The following INVS variants were observed in gnomAD, a reference collection of about 807,000 sequenced individuals.
The protein encoded by INVS is inversin.
INVS carries 86 observed loss-of-function variants against 108.8 expected under a neutral mutation model. That is an observed-to-expected ratio of 0.79 (90% CI 0.66 to 0.95). The LOEUF is 0.95. INVS is among the 40% of genes least tolerant of loss of function. The probability of loss-of-function intolerance (pLI) is 0.00; values close to 1 mark genes in which losing one functional copy is unlikely to be tolerated. For missense variants in INVS, 1,169 were observed against 1,297.4 expected (o/e 0.90, Z 1.52); for synonymous variants, 455 against 473.5 (o/e 0.96, Z 0.51).
intron 3 of INVS, among the ~76,000 whole-genome samples, chr9:100,195,186 A>G (rs1277842272): frequency 6.6e-6 from 1 of 152,194 alleles, no homozygotes; most frequent in Non-Finnish European, 1.5e-5. Context: ...AGAGGCAAAA[A>G]ACTGATAAAT....
intron 7 of INVS, among the ~76,000 whole-genome samples, chr9:100,245,779 G>A (rs987284474): frequency 2.6e-5 from 4 of 152,130 alleles, no homozygotes; most frequent in African/African-American, 9.7e-5. Context: ...TAAGGCAAAA[G>A]CAAACAAACA....
intron 3 of INVS, among the ~76,000 whole-genome samples, chr9:100,146,017 G>A (rs57817949): frequency 0.014 from 2,074 of 152,302 alleles, 36 homozygotes; most frequent in African/African-American, 0.048. Flanking sequence ...CTGAGGACCC[G>A]AGGTCGTAGG....
chr9:100,234,615 A>G (rs1237400858), intron 5 of INVS, among the ~76,000 whole-genome samples: 1 of 151,858 alleles, frequency 6.6e-6, no homozygotes, highest in Non-Finnish European at 1.5e-5. Context: ...CTTTTATTTC[A>G]TTATTTGCTC....
chr9:100,107,042 T>C (rs1322189220), intron 2 of INVS, among the ~76,000 whole-genome samples: 1 of 152,204 alleles, frequency 6.6e-6, no homozygotes, highest in East Asian at 1.9e-4. Flanking sequence ...TCCACACTTA[T>C]TTACCTTAAT....
At chr9:100,197,095 T>G (rs1830399937) in intron 3 of INVS, among the ~76,000 whole-genome samples, 2 of 152,198 alleles carry the variant, frequency 1.3e-5, no homozygotes, top group Non-Finnish European at 2.9e-5. Flanking sequence ...TGCCTCATGC[T>G]TCAGACACCA....
chr9:100,179,812 C>G (rs1829826114), intron 3 of INVS, among the ~76,000 whole-genome samples: 2 of 152,330 alleles, frequency 1.3e-5, no homozygotes, highest in Non-Finnish European at 2.9e-5. Context: ...ATCTACAGAA[C>G]TCTCCACCCC....
At chr9:100,201,027 T>G (rs1281502651) in intron 3 of INVS, among the ~76,000 whole-genome samples, 1 of 152,240 alleles carries the variant, frequency 6.6e-6, no homozygotes, top group East Asian at 1.9e-4. Context: ...GTCAAGCTAC[T>G]GCAGCTGCTA....
chr9:100,116,912 A>C, intron 2 of INVS: 1 of 1,328,766 alleles, frequency 7.5e-7, no homozygotes, highest in Non-Finnish European at 1.1e-6. Context: ...GATGGCATCA[A>C]AGGTGGCCTT....
At chr9:100,194,675 A>G (rs1488823461) in intron 3 of INVS, among the ~76,000 whole-genome samples, 1 of 152,144 alleles carries the variant, frequency 6.6e-6, no homozygotes, top group African/African-American at 2.4e-5. Context: ...AGCATGTAGT[A>G]TTTCACCACT....
intron 3 of INVS, among the ~76,000 whole-genome samples, chr9:100,153,982 C>T (rs756039080): frequency 1.3e-5 from 2 of 152,154 alleles, no homozygotes; most frequent in African/African-American, 4.8e-5. Flanking sequence ...ATTGGTATAA[C>T]GCTTATGGAG....
chr9:100,200,629 C>T (rs1404622732), intron 3 of INVS, among the ~76,000 whole-genome samples: 1 of 152,174 alleles, frequency 6.6e-6, no homozygotes, highest in Non-Finnish European at 1.5e-5. Context: ...CTAAGTGGAA[C>T]TCAAACTCCA....
At chr9:100,118,732 C>T (rs1307475886) in intron 2 of INVS, among the ~76,000 whole-genome samples, 4 of 151,960 alleles carry the variant, frequency 2.6e-5, no homozygotes, top group Admixed American at 6.6e-5. Context: ...ATGATCTCGG[C>T]TCACTGCAAC....
At position 100,138,997 on chromosome 9, in the gene INVS, C is replaced by T. The variant is rs146303388; in HGVS notation, c.273+12448C>T. Among the ~76,000 whole-genome samples, 267 of 152,190 alleles carry T rather than the reference C, an allele frequency of 1.8e-3. 1 individual carries two copies. The highest frequency in any genetic ancestry group is 5.9e-3 in the African/African-American group (247 of 41,546). On this transcript the variant is annotated intron_variant, in intron 3 of 16. Transcript: ENST00000262457. ...CTGGGATTACAGGCGTGAGCCACCG[C>T]GCCCGGCCTTATTGATGGTTTTCCT... is the stretch of plus-strand genomic sequence containing the variant.
intron 3 of INVS, among the ~76,000 whole-genome samples, chr9:100,142,650 C>CAG (rs371292964): frequency 6.6e-6 from 1 of 152,046 alleles, no homozygotes. Context: ...AGCCAGGGAG[C>CAG]AGAGAGTATA....
chr9:100,258,252 A>G (rs181904723), intron 10 of INVS, among the ~76,000 whole-genome samples: 119 of 152,222 alleles, frequency 7.8e-4, no homozygotes, highest in African/African-American at 2.7e-3. Context: ...TTTCAGCTCC[A>G]TCAGGTCATT....
At chr9:100,116,763 T>C (rs963699505) in intron 2 of INVS, 5 of 1,353,452 alleles carry the variant, frequency 3.7e-6, no homozygotes, top group Non-Finnish European at 4.9e-6. Flanking sequence ...CCCTATGTTG[T>C]AGCCACAGCT....
chr9:100,126,710 A>G (rs1827895537), intron 3 of INVS, among the ~76,000 whole-genome samples, 161 bp downstream of exon 3: 1 of 152,202 alleles, frequency 6.6e-6, no homozygotes, highest in South Asian at 2.1e-4. Flanking sequence ...CAGAGAGTAA[A>G]AGCACAGATA....
At position 100,126,468 on chromosome 9, in the gene INVS, A is replaced by G. The variant is rs1377133138; in HGVS notation, c.192A>G (p.Ala64=). The change falls in exon 3 of 17, where the codon GCA becomes GCG. Residue 64 remains alanine, a synonymous_variant. Coordinates refer to ENST00000262457, the MANE Select transcript of INVS (RefSeq NM_014425.5). ...TGTTGGCTGACAGATTGGATTGTGC[A>G]GATGCTCTTCTGAAGGCAGGAGCAG... ...YCVLADRLDC[A]DALLKAGADV... The G allele has an allele frequency of 6.2e-7, 1 of 1,614,148 alleles. No individual in the cohort carries two copies. Among genetic ancestry groups the G allele is most frequent in the East Asian group, 2.2e-5 (1 of 44,878 alleles).
intron 5 of INVS, among the ~76,000 whole-genome samples, chr9:100,235,371 T>A (rs1029814878): frequency 2.0e-5 from 3 of 152,128 alleles, no homozygotes; most frequent in Admixed American, 2.0e-4. Flanking sequence ...TTTACATTTA[T>A]GGTTAATATT....
Sources: gnomAD v4.1 joint callset for allele counts (sites outside exome capture counted in the v4.1 genomes callset) on GRCh38, gnomAD v4.1.1 for gene constraint, MANE v1.5 for transcripts, NCBI Gene and HGNC (gene_info 2026-07-23, HGNC 2026-07-21) for gene names.